The following TENT4A variants were observed in gnomAD, a reference collection of about 807,000 sequenced individuals.
TENT4A encodes the protein terminal nucleotidyltransferase 4A.
A neutral mutation model predicts 72.8 loss-of-function variants in TENT4A; 7 were observed. The ratio of observed to expected loss-of-function variants is 0.10; its 90% CI spans 0.05 to 0.18. The LOEUF (loss-of-function observed/expected upper bound fraction) is 0.18. Among genes scored for constraint, TENT4A ranks in the 10% least tolerant of loss-of-function variants. The pLI, the probability that TENT4A is intolerant of heterozygous loss-of-function variation, is 1.00. For missense variants in TENT4A, 831 were observed against 1,017.7 expected, an observed-to-expected ratio of 0.82 and a Z score of 2.50; for synonymous variants, 456 against 434.3, an observed-to-expected ratio of 1.05 and a Z score of -0.62.
chr5:6,719,252 C>T (rs1182528233), intron 1 of TENT4A, among the ~76,000 whole-genome samples: 1 of 152,018 alleles, frequency 6.6e-6, no homozygotes, highest in East Asian at 1.9e-4. Flanking sequence ...TTCATGTAAG[C>T]GTCCTGTGGA....
In TENT4A at chr5:6,754,900, AC is replaced by A; in HGVS notation, c.2335del (p.His779ThrfsTer10). ...YNRTGWRRKK[H>X]THTRDSLPVS... ...ACCGCACCGGCTGGAGGAGGAAAAA[AC>A]ACACACACACACGGGACAGTCTGCC... On this transcript the variant is annotated frameshift_variant, in exon 13 of 13. Coordinates refer to ENST00000230859, the MANE Select transcript of TENT4A (RefSeq NM_006999.6). LOFTEE classifies it high-confidence loss of function. The A allele has an allele frequency of 2.6e-6, 4 of 1,522,198 alleles. No individual in the cohort carries two copies. Among genetic ancestry groups the A allele is most frequent in the South Asian group, 1.2e-5 (1 of 82,074 alleles). 94.3% of individuals were successfully genotyped at this position (1,522,198 alleles called of 1,614,324 possible). A position where few individuals can be genotyped will look rare whatever the true frequency, so the allele number is the denominator to read the frequency against.
chr5:6,741,253 G>C (rs1454356558), intron 4 of TENT4A, among the ~76,000 whole-genome samples: 1 of 152,190 alleles, frequency 6.6e-6, no homozygotes, highest in Non-Finnish European at 1.5e-5. Flanking sequence ...TCATTTCTGG[G>C]GAGCACTGTG....
chr5:6,730,646 A>G (rs1187053620), intron 1 of TENT4A, among the ~76,000 whole-genome samples: 1 of 152,018 alleles, frequency 6.6e-6, no homozygotes, highest in Non-Finnish European at 1.5e-5. Context: ...CTCCCTGCCC[A>G]GAGTGGGCGG....
rs1741851990 is a variant in TENT4A, at chr5:6,742,414, G to A, written c.1009-76G>A. ...AGAAAAAACACCAAACCTCTGTACA[G>A]CTTTGGCAGCATTTTGATGCCTGGC... On this transcript the variant is annotated intron_variant, in intron 4 of 12. Coordinates refer to ENST00000230859, the MANE Select transcript of TENT4A (RefSeq NM_006999.6). 3.3e-6 allele frequency: 3 copies of A among 915,068 alleles called. No homozygotes were observed. The South Asian group carries it at 4.0e-5, about 12-fold the overall frequency. 56.7% of individuals were successfully genotyped at this position (915,068 alleles called of 1,614,324 possible). A position where few individuals can be genotyped will look rare whatever the true frequency, so the allele number is the denominator to read the frequency against.
At chr5:6,735,072 A>G (rs1247018817) in intron 1 of TENT4A, among the ~76,000 whole-genome samples, 2 of 152,220 alleles carry the variant, frequency 1.3e-5, no homozygotes, top group Non-Finnish European at 2.9e-5. Flanking sequence ...TTGACAGTAC[A>G]TTCTACTCTG....
chr5:6,752,259 C>G (rs1424346411), intron 11 of TENT4A, among the ~76,000 whole-genome samples: 1 of 152,192 alleles, frequency 6.6e-6, no homozygotes, highest in African/African-American at 2.4e-5. Context: ...AGTGTGAAGT[C>G]CAGGGACGCT....
intron 1 of TENT4A, among the ~76,000 whole-genome samples, chr5:6,731,845 T>C (rs1228346088): frequency 2.0e-5 from 3 of 152,248 alleles, no homozygotes; most frequent in African/African-American, 7.2e-5. Flanking sequence ...TCTAGGAGAA[T>C]GTCCTAGACA....
chr5:6,750,683 G>A (rs370643571), intron 10 of TENT4A, 180 bp downstream of exon 10: 12 of 589,480 alleles, frequency 2.0e-5, no homozygotes, highest in African/African-American at 3.8e-5. Flanking sequence ...TTCCCCTGCC[G>A]TGAACCTTCA....
At chr5:6,726,006 G>C (rs1477045453) in intron 1 of TENT4A, among the ~76,000 whole-genome samples, 1 of 152,170 alleles carries the variant, frequency 6.6e-6, no homozygotes, top group Non-Finnish European at 1.5e-5. Flanking sequence ...ATGAAGTCTT[G>C]GTTTGCTTGG....
chr5:6,733,349 G>A (rs1158298543), intron 1 of TENT4A, among the ~76,000 whole-genome samples: 1 of 152,256 alleles, frequency 6.6e-6, no homozygotes, highest in Non-Finnish European at 1.5e-5. Context: ...ATGGGGAGGG[G>A]AATGATGGCA....
chr5:6,753,328 C>T (rs535522906), intron 12 of TENT4A, among the ~76,000 whole-genome samples: 3 of 152,226 alleles, frequency 2.0e-5, no homozygotes, highest in Admixed American at 6.5e-5. Flanking sequence ...GAAGACTTTT[C>T]CCATTTACAT....
rs1363267194 is a variant in TENT4A, at chr5:6,713,949, GGCGGGCGC to G, written c.-28_-21del. ...GCGGGGGCGGGGCCGCGTCGGGGCG[GGCGGGCGC>G]GCGGGCCCCGCGGGGGCGGCGCGTG... On this transcript the variant is annotated 5_prime_UTR_variant, in exon 1 of 13. Coordinates refer to ENST00000230859, the MANE Select transcript of TENT4A (RefSeq NM_006999.6). The G allele has an allele frequency of 1.1e-6, 1 of 905,804 alleles. No homozygotes were observed. The highest frequency in any genetic ancestry group is 1.3e-6 in the Non-Finnish European group (1 of 760,506). The allele number at this position is 905,804 out of a possible 1,614,324, so 56.1% of individuals were successfully genotyped here.
At position 6,714,220 on chromosome 5, in the gene TENT4A, C is replaced by A; in HGVS notation, c.237C>A (p.Thr79=). ...PAASPPPPGP[T]APAALPPALL... ...CGTCGCCCCCGCCGCCCGGCCCCAC[C>A]GCGCCCGCCGCGCTGCCCCCCGCGC... The change falls in exon 1 of 13, where the codon ACC becomes ACA. Residue 79 remains threonine, a synonymous_variant. Coordinates refer to ENST00000230859, the MANE Select transcript of TENT4A (RefSeq NM_006999.6). The A allele has an allele frequency of 1.0e-6, 1 of 984,320 alleles. No homozygotes were observed. The highest frequency in any genetic ancestry group is 1.2e-6 in the Non-Finnish European group (1 of 830,806). The allele number at this position is 984,320 out of a possible 1,614,324, so 61.0% of individuals were successfully genotyped here. A position where few individuals can be genotyped will look rare whatever the true frequency, so the allele number is the denominator to read the frequency against.
At position 6,749,653 on chromosome 5, in the gene TENT4A, C is replaced by T; in HGVS notation, c.1683C>T (p.Gly561=). ...GCAGCAAAGCCCACCCGTCGCCAGG[C>T]ATGGGTGAGAGATTAATTCATTTGT... ...KWGSKAHPSP[G]MDSRIKIKER... The change falls in exon 9 of 13, where the codon GGC becomes GGT. Residue 561 remains glycine, a synonymous_variant. Transcript: ENST00000230859. 1 of 1,601,626 alleles carries T rather than the reference C, an allele frequency of 6.2e-7. No homozygotes were observed. The highest frequency in any genetic ancestry group is 8.6e-7 in the Non-Finnish European group (1 of 1,168,696).
At chr5:6,726,786 G>A (rs1740944367) in intron 1 of TENT4A, among the ~76,000 whole-genome samples, 1 of 152,192 alleles carries the variant, frequency 6.6e-6, no homozygotes, top group African/African-American at 2.4e-5. Flanking sequence ...GCCTTTGATT[G>A]CCCAGCTGTC....
intron 1 of TENT4A, among the ~76,000 whole-genome samples, chr5:6,736,735 G>T (rs773411651): frequency 6.6e-6 from 1 of 152,222 alleles, no homozygotes; most frequent in Non-Finnish European, 1.5e-5. Flanking sequence ...AGGTGGCGGC[G>T]TGAGGCGTCT....
chr5:6,730,492 C>T (rs1414968921), intron 1 of TENT4A, among the ~76,000 whole-genome samples: 1 of 152,188 alleles, frequency 6.6e-6, no homozygotes, highest in Non-Finnish European at 1.5e-5. Flanking sequence ...GGGGAGTGCG[C>T]CCTCCTCCTC....
At chr5:6,749,368 G>C (rs1237053150) in intron 8 of TENT4A, among the ~76,000 whole-genome samples, 189 bp from the exon 9 acceptor site, 1 of 152,214 alleles carries the variant, frequency 6.6e-6, no homozygotes, top group African/African-American at 2.4e-5. Context: ...GATGTACTGC[G>C]ATCCCAGGGT....
chr5:6,732,332 C>T (rs536202196), intron 1 of TENT4A, among the ~76,000 whole-genome samples: 3 of 152,324 alleles, frequency 2.0e-5, no homozygotes, highest in South Asian at 2.1e-4. Context: ...AGCTGAAAAT[C>T]GTCCCCTAAA....
Sources: allele counts gnomAD v4.1 joint callset (sites outside exome capture counted in the v4.1 genomes callset), GRCh38; gene constraint gnomAD v4.1.1; transcripts MANE v1.5; gene names NCBI Gene and HGNC (gene_info 2026-07-23, HGNC 2026-07-21).